EDIL3: variants seen among roughly 807,000 people sequenced by gnomAD.
EDIL3 encodes EGF like and discoidin domains 3.
EDIL3 carries 37 observed loss-of-function variants against 67.4 expected under a neutral mutation model. That is an observed-to-expected ratio of 0.55 (90% CI 0.42 to 0.72). The LOEUF is 0.72. Ranked by LOEUF, EDIL3 falls within the 30% of genes least tolerant of loss-of-function variation. The pLI, the probability that EDIL3 is intolerant of heterozygous loss-of-function variation, is 0.00. For synonymous variants in EDIL3, 195 were observed against 196.3 expected (o/e 0.99, Z 0.05); for missense variants, 527 against 586.3 (o/e 0.90, Z 1.04).
chr5:83,961,148 T>A (rs908931468), intron 10 of EDIL3, among the ~76,000 whole-genome samples: 1 of 151,050 alleles, frequency 6.6e-6, no homozygotes. Flanking sequence ...CATTTTCTAA[T>A]GAAAAAGGGT....
intron 6 of EDIL3, among the ~76,000 whole-genome samples, chr5:84,085,194 A>AT (rs1425871600): frequency 6.6e-6 from 1 of 152,138 alleles, no homozygotes; most frequent in African/African-American, 2.4e-5. Context: ...CGTCAATCTC[A>AT]TTCTCTGTCC....
intron 3 of EDIL3, among the ~76,000 whole-genome samples, chr5:84,200,827 G>T (rs1743816044): frequency 6.6e-6 from 1 of 151,988 alleles, no homozygotes; most frequent in Non-Finnish European, 1.5e-5. Context: ...GAAAGAAACG[G>T]AAAGAAATGT....
rs368222767 is a variant in EDIL3, at chr5:84,270,992, G to A, written c.68-16780C>T. On this transcript the variant is annotated intron_variant, in intron 1 of 10. Coordinates refer to ENST00000296591, the MANE Select transcript of EDIL3 (RefSeq NM_005711.5). ...TGGATTCAAAGTGCAGGGTTAATTC[G>A]TATGAGTTATACCACGAATTTGTGA... 1.4e-4 allele frequency among the ~76,000 whole-genome samples: 22 copies of A among 152,200 alleles called. No individual in the cohort carries two copies. In the South Asian group the frequency reaches 4.2e-3, roughly 29 times the overall value.
At chr5:84,311,312 C>CTTTTT (rs900034474) in intron 1 of EDIL3, among the ~76,000 whole-genome samples, 12 of 93,870 alleles carry the variant, frequency 1.3e-4, no homozygotes, top group Non-Finnish European at 2.2e-4. Flanking sequence ...AATGTATTTT[C>CTTTTT]TTTTTTTTTT....
chr5:84,313,580 T>C (rs1746448746), intron 1 of EDIL3, among the ~76,000 whole-genome samples: 1 of 152,176 alleles, frequency 6.6e-6, no homozygotes. Flanking sequence ...GATTATAATA[T>C]CTACCTAGAA....
intron 3 of EDIL3, among the ~76,000 whole-genome samples, chr5:84,188,633 CT>C (rs1208974263): frequency 6.6e-6 from 1 of 150,670 alleles, no homozygotes; most frequent in East Asian, 2.0e-4. Context: ...GGAGATAGGA[CT>C]TTTTAAAAGA....
At position 84,254,055 on chromosome 5, in the gene EDIL3, C is replaced by T. The variant is rs376331593; in HGVS notation, c.196+29G>A. The T allele has an allele frequency of 4.5e-6, 7 of 1,563,026 alleles. No homozygotes were observed. The African/African-American group carries it at 9.6e-5, about 21-fold the overall frequency. ...TTTATTCATGGAAATAAAAAGATAA[C>T]TACTGAAATACTTAAATTTTGCACT... On this transcript the variant is annotated intron_variant, in intron 2 of 10. Coordinates refer to ENST00000296591, the MANE Select transcript of EDIL3 (RefSeq NM_005711.5).
chr5:83,956,273 A>T (rs1295295644), intron 10 of EDIL3, among the ~76,000 whole-genome samples: 1 of 151,768 alleles, frequency 6.6e-6, no homozygotes, highest in African/African-American at 2.4e-5. Flanking sequence ...GGATCTAGGT[A>T]GGACACTTGC....
chr5:84,031,456 G>A (rs954919330), intron 9 of EDIL3, among the ~76,000 whole-genome samples: 2 of 152,066 alleles, frequency 1.3e-5, no homozygotes, highest in African/African-American at 2.4e-5. Flanking sequence ...TGACTTAGTT[G>A]GTAAATCTAC....
chr5:83,957,403 C>G (rs557243942), intron 10 of EDIL3, among the ~76,000 whole-genome samples: 162 of 151,846 alleles, frequency 1.1e-3, no homozygotes, highest in African/African-American at 3.3e-3. Context: ...GTATTATTGA[C>G]TACTCATCTG....
intron 1 of EDIL3, among the ~76,000 whole-genome samples, chr5:84,300,176 T>C (rs2112129175): frequency 6.6e-6 from 1 of 152,332 alleles, no homozygotes; most frequent in African/African-American, 2.4e-5. Flanking sequence ...TTTATTGCCT[T>C]TCCATCTTCT....
At chr5:84,326,395 A>G (rs995497195) in intron 1 of EDIL3, among the ~76,000 whole-genome samples, 19 of 152,028 alleles carry the variant, frequency 1.2e-4, no homozygotes, top group African/African-American at 4.6e-4. Context: ...AGAAGGGAAA[A>G]TTATTGTTTA....
intron 5 of EDIL3, among the ~76,000 whole-genome samples, chr5:84,118,731 T>C (rs1438380262): frequency 2.0e-5 from 3 of 152,312 alleles, no homozygotes; most frequent in Non-Finnish European, 2.9e-5. Context: ...CTTGGGGGAA[T>C]TGTTTAATCT....
At chr5:84,342,968 A>C (rs1348843628) in intron 1 of EDIL3, among the ~76,000 whole-genome samples, 1 of 152,124 alleles carries the variant, frequency 6.6e-6, no homozygotes, top group Non-Finnish European at 1.5e-5. Flanking sequence ...TCAGAGCCGA[A>C]AGTAAACTTA....
chr5:84,168,903 A>T (rs1748760967), intron 4 of EDIL3, among the ~76,000 whole-genome samples: 1 of 152,168 alleles, frequency 6.6e-6, no homozygotes, highest in East Asian at 1.9e-4. Context: ...CAATTACACA[A>T]CTACAATAAA....
intron 6 of EDIL3, among the ~76,000 whole-genome samples, chr5:84,082,387 T>A (rs751420412): frequency 3.2e-4 from 48 of 152,186 alleles, no homozygotes; most frequent in Non-Finnish European, 4.7e-4. Flanking sequence ...AAAAGAAGTC[T>A]ACAAAGCAAA....
At chr5:83,953,463 G>A (rs569677597) in intron 10 of EDIL3, among the ~76,000 whole-genome samples, 2 of 151,632 alleles carry the variant, frequency 1.3e-5, no homozygotes, top group African/African-American at 4.8e-5. Context: ...GGCTATTGGG[G>A]TATTACCAAA....
At chr5:83,973,702 T>A (rs1384837411) in intron 9 of EDIL3, among the ~76,000 whole-genome samples, 1 of 152,102 alleles carries the variant, frequency 6.6e-6, no homozygotes, top group African/African-American at 2.4e-5. Flanking sequence ...ATATAAAGAC[T>A]GGTGTTTCCA....
chr5:84,138,476 T>G (rs938457009), intron 4 of EDIL3, among the ~76,000 whole-genome samples: 1 of 152,182 alleles, frequency 6.6e-6, no homozygotes, highest in Non-Finnish European at 1.5e-5. Flanking sequence ...GAAATAGTCA[T>G]GTGCACAATC....
Sources: allele counts gnomAD v4.1 joint callset (sites outside exome capture counted in the v4.1 genomes callset), GRCh38; gene constraint gnomAD v4.1.1; transcripts MANE v1.5; gene names NCBI Gene and HGNC (gene_info 2026-07-23, HGNC 2026-07-21).